The following OSBPL1A variants were observed in gnomAD, a reference collection of about 807,000 sequenced individuals.
The protein encoded by OSBPL1A is oxysterol binding protein like 1A.
OSBPL1A carries 80 observed loss-of-function variants against 137.1 expected under a neutral mutation model. That is an observed-to-expected ratio of 0.58 (90% CI 0.49 to 0.70). The LOEUF (loss-of-function observed/expected upper bound fraction) is 0.70. OSBPL1A is among the 30% of genes least tolerant of loss of function. The probability of loss-of-function intolerance (pLI) is 0.00; values close to 1 mark genes in which losing one functional copy is unlikely to be tolerated. For synonymous variants in OSBPL1A, 365 were observed against 389.7 expected (o/e 0.94, Z 0.75); for missense variants, 970 against 1,129.4 (o/e 0.86, Z 2.02).
chr18:24,334,068 A>C (rs979230467), intron 6 of OSBPL1A, among the ~76,000 whole-genome samples, 177 bp downstream of exon 6: 4 of 152,180 alleles, frequency 2.6e-5, no homozygotes, highest in Non-Finnish European at 5.9e-5. Context: ...GTCCTGCTTA[A>C]ACTATCACCA....
chr18:24,266,469 A>C (rs1026751184), intron 15 of OSBPL1A, among the ~76,000 whole-genome samples: 1 of 152,158 alleles, frequency 6.6e-6, no homozygotes, highest in Non-Finnish European at 1.5e-5. Flanking sequence ...AGAAAGAAAA[A>C]AGGTGGAAAA....
intron 7 of OSBPL1A, among the ~76,000 whole-genome samples, chr18:24,325,335 G>C (rs1169827289): frequency 6.6e-6 from 1 of 152,186 alleles, no homozygotes; most frequent in Non-Finnish European, 1.5e-5. Context: ...GCCTCTGGCA[G>C]CTCTGATGCT....
At chr18:24,275,583 G>A (rs2089826101) in intron 15 of OSBPL1A, among the ~76,000 whole-genome samples, 1 of 152,188 alleles carries the variant, frequency 6.6e-6, no homozygotes, top group African/African-American at 2.4e-5. Flanking sequence ...TGACTTTGTA[G>A]AGCTGTAAGT....
chr18:24,246,196 G>C (rs2088879437), intron 15 of OSBPL1A, among the ~76,000 whole-genome samples: 1 of 151,780 alleles, frequency 6.6e-6, no homozygotes, highest in South Asian at 2.1e-4. Context: ...TGGGCAACAA[G>C]AGCGAAACCC....
At chr18:24,322,513 GA>G (rs928031045) in intron 7 of OSBPL1A, among the ~76,000 whole-genome samples, 13 of 151,982 alleles carry the variant, frequency 8.6e-5, no homozygotes, top group Admixed American at 7.2e-4. Context: ...CTTTAGTGGG[GA>G]AAAAACTTTT....
At chr18:24,235,398 T>C (rs529753583) in intron 16 of OSBPL1A, among the ~76,000 whole-genome samples, 14 of 132,656 alleles carry the variant, frequency 1.1e-4, no homozygotes, top group African/African-American at 3.6e-4. Context: ...GAAAGTGAAG[T>C]AACTTTCCCA....
chr18:24,392,665 T>C (rs1907441328), intron 1 of OSBPL1A, among the ~76,000 whole-genome samples: 1 of 152,176 alleles, frequency 6.6e-6, no homozygotes, highest in African/African-American at 2.4e-5. Flanking sequence ...TAAAAACCAG[T>C]ACCGTGCTTA....
At chr18:24,253,376 G>A in intron 15 of OSBPL1A, among the ~76,000 whole-genome samples, 1 of 152,120 alleles carries the variant, frequency 6.6e-6, no homozygotes, top group African/African-American at 2.4e-5. Flanking sequence ...AAGAGACAAA[G>A]AAGGTCATTA....
chr18:24,363,807 AT>A (rs879586775), intron 4 of OSBPL1A, among the ~76,000 whole-genome samples: 64 of 145,670 alleles, frequency 4.4e-4, no homozygotes, highest in East Asian at 2.2e-3. Flanking sequence ...ACACCAGGCA[AT>A]TTTTTTTTTT....
chr18:24,346,879 A>T (rs1159040206), intron 4 of OSBPL1A, among the ~76,000 whole-genome samples: 1 of 150,580 alleles, frequency 6.6e-6, no homozygotes, highest in East Asian at 2.0e-4. Context: ...TGCTGGGACT[A>T]CTACAGGCAC....
chr18:24,232,802 T>G (rs1481310529), intron 16 of OSBPL1A, among the ~76,000 whole-genome samples: 1 of 125,896 alleles, frequency 7.9e-6, no homozygotes, highest in Non-Finnish European at 1.7e-5. Context: ...TGCAAGTTGC[T>G]GAAGCAGTTT....
chr18:24,337,236 G>A (rs2091189639), intron 5 of OSBPL1A, among the ~76,000 whole-genome samples: 1 of 152,090 alleles, frequency 6.6e-6, no homozygotes, highest in East Asian at 1.9e-4. Flanking sequence ...GCTCACGCCT[G>A]TTAACCCCAA....
intron 17 of OSBPL1A, among the ~76,000 whole-genome samples, chr18:24,216,551 T>A (rs890823631): frequency 2.0e-5 from 3 of 152,106 alleles, no homozygotes; most frequent in African/African-American, 7.2e-5. Flanking sequence ...AGATTTTAAA[T>A]ATATGGGCAA....
intron 3 of OSBPL1A, chr18:24,367,451 G>A: frequency 6.6e-6 from 1 of 151,790 alleles, no homozygotes; most frequent in Non-Finnish European, 1.5e-5. Flanking sequence ...AGACCAGCCT[G>A]GGCAACATGG....
chr18:24,288,470 A>G (rs917498839), intron 14 of OSBPL1A, among the ~76,000 whole-genome samples: 4 of 152,210 alleles, frequency 2.6e-5, no homozygotes, highest in Non-Finnish European at 4.4e-5. Context: ...ATGAAGGAAT[A>G]TAAGAGTGGA....
intron 7 of OSBPL1A, 57 bp from the exon 8 acceptor site, chr18:24,318,866 A>T: frequency 2.1e-6 from 3 of 1,400,906 alleles, no homozygotes; most frequent in Non-Finnish European, 2.0e-6. Context: ...TATGACAATC[A>T]ATGCTGTAAC....
intron 4 of OSBPL1A, among the ~76,000 whole-genome samples, chr18:24,350,516 T>C (rs1440627927): frequency 6.6e-6 from 1 of 152,138 alleles, no homozygotes; most frequent in African/African-American, 2.4e-5. Flanking sequence ...GGCCTCAAAC[T>C]CCTGGCCTAA....
At chr18:24,175,337 C>T (rs1366990585) in intron 21 of OSBPL1A, among the ~76,000 whole-genome samples, 2 of 151,012 alleles carry the variant, frequency 1.3e-5, no homozygotes, top group African/African-American at 2.4e-5. Flanking sequence ...AGGTGCATGT[C>T]ACCAAACCTG....
intron 16 of OSBPL1A, among the ~76,000 whole-genome samples, chr18:24,227,887 C>G (rs999969349): frequency 5.3e-5 from 8 of 152,010 alleles, no homozygotes; most frequent in African/African-American, 1.7e-4. Flanking sequence ...AATCATAAAG[C>G]AATGAAGCAA....
Sources: allele counts gnomAD v4.1 joint callset (sites outside exome capture counted in the v4.1 genomes callset), GRCh38; gene constraint gnomAD v4.1.1; transcripts MANE v1.5; gene names NCBI Gene and HGNC (gene_info 2026-07-23, HGNC 2026-07-21).